The following CDH2 variants were observed in gnomAD, a reference collection of about 807,000 sequenced individuals.
CDH2 encodes the protein cadherin 2, also known as cadherin-2.
In CDH2, 17 loss-of-function variants were observed where a neutral mutation model predicts 92.0. The ratio of observed to expected loss-of-function variants is 0.18; its 90% CI spans 0.13 to 0.28. The LOEUF is 0.28. Ranked by LOEUF, CDH2 falls within the 10% of genes least tolerant of loss-of-function variation. The pLI, the probability that CDH2 is intolerant of heterozygous loss-of-function variation, is 1.00. For synonymous variants in CDH2, 419 were observed against 415.9 expected (o/e 1.01, Z -0.09); for missense variants, 862 against 1,133.1 (o/e 0.76, Z 3.44).
chr18:28,124,731 G>A (rs981604745), intron 2 of CDH2, among the ~76,000 whole-genome samples: 2 of 152,092 alleles, frequency 1.3e-5, no homozygotes, highest in African/African-American at 2.4e-5. Flanking sequence ...ATTGTTTCCA[G>A]TCAAGAGGGA....
chr18:27,963,386 G>A lies in CDH2; in HGVS notation c.2485C>T (p.Pro829Ser), dbSNP rs1294310150. ...TTAATGAAGTCCCCAATGTCTCCAG[G>A]GTGTGGGGCTGCAGATCGGACCGGA... ...QYPVRSAAPH[P>S]GDIGDFINEG... Residue 829 changes from proline (P) to serine (S), a missense_variant, in exon 15 of 16, where the codon CCT becomes TCT. By Grantham distance (74) the Pro-to-Ser change is moderately conservative. Transcript: ENST00000269141. The A allele has an allele frequency of 1.9e-6, 3 of 1,614,026 alleles. No homozygotes were observed. Among genetic ancestry groups the A allele is most frequent in the Middle Eastern group, 3.3e-4 (2 of 6,054 alleles).
intron 2 of CDH2, among the ~76,000 whole-genome samples, chr18:28,131,271 T>TA (rs943904851): frequency 1.5e-4 from 23 of 151,580 alleles, no homozygotes; most frequent in African/African-American, 5.6e-4. Flanking sequence ...TGCTAGGAAC[T>TA]AAAAAAAAAT....
chr18:28,037,353 T>C (rs972331084), intron 2 of CDH2, among the ~76,000 whole-genome samples: 27 of 152,180 alleles, frequency 1.8e-4, no homozygotes, highest in African/African-American at 6.5e-4. Flanking sequence ...TTCAGATAGG[T>C]TGCCAGCATG....
intron 1 of CDH2, among the ~76,000 whole-genome samples, chr18:28,148,780 C>T (rs1222338876): frequency 6.6e-6 from 1 of 152,144 alleles, no homozygotes; most frequent in Non-Finnish European, 1.5e-5. Context: ...GATCTCAGAA[C>T]AACTGTCTGG....
chr18:28,074,518 T>C (rs1230694326), intron 2 of CDH2, among the ~76,000 whole-genome samples: 1 of 152,118 alleles, frequency 6.6e-6, no homozygotes, highest in Non-Finnish European at 1.5e-5. Flanking sequence ...AGTGCTAGGA[T>C]TACAGGCATG....
chr18:27,980,374 C>T (rs796413139), intron 14 of CDH2, among the ~76,000 whole-genome samples: 3 of 151,940 alleles, frequency 2.0e-5, no homozygotes, highest in Admixed American at 6.6e-5. Flanking sequence ...GACAAGACAC[C>T]GTTTAGGAAT....
intron 2 of CDH2, among the ~76,000 whole-genome samples, chr18:28,020,730 T>C (rs926178023): frequency 6.6e-6 from 1 of 152,034 alleles, no homozygotes; most frequent in Non-Finnish European, 1.5e-5. Flanking sequence ...GCTATGATGG[T>C]AGATACATAA....
chr18:27,938,719 T>C (rs531496271), intron 6 of CDH2, among the ~76,000 whole-genome samples: 2 of 152,284 alleles, frequency 1.3e-5, no homozygotes, highest in South Asian at 4.1e-4. Context: ...TCTACATTTT[T>C]TTTAAATCAC....
At chr18:28,012,118 G>A in intron 3 of CDH2, 126 bp from the exon 4 acceptor site, 1 of 767,462 alleles carries the variant, frequency 1.3e-6, no homozygotes, top group Non-Finnish European at 2.0e-6. Context: ...TAAGTCTGGA[G>A]GCCCTTTTCC....
At chr18:28,034,434 T>A (rs886687083) in intron 2 of CDH2, among the ~76,000 whole-genome samples, 2 of 151,852 alleles carry the variant, frequency 1.3e-5, no homozygotes, top group East Asian at 1.9e-4. Context: ...TTAAATATAT[T>A]TTTTTTCTGG....
intron 2 of CDH2, among the ~76,000 whole-genome samples, chr18:28,048,600 A>G (rs967946689): frequency 2.0e-5 from 3 of 152,214 alleles, no homozygotes; most frequent in Non-Finnish European, 2.9e-5. Flanking sequence ...CGTCAGGACT[A>G]CAATGCTATT....
Position 28,011,977 on chromosome 18 carries a change from C to T in CDH2, c.415G>A (p.Glu139Lys), listed in dbSNP as rs1393676210. Residue 139 changes from glutamate to lysine, a missense_variant, in exon 4 of 16, where the codon GAA becomes AAA. By Grantham distance (56) the Glu-to-Lys change is moderately conservative. Around this residue, in one of 5 missense-constraint regions of CDH2, gnomAD observed 159 missense variants for 177.2 expected, o/e 0.90. Transcript: ENST00000269141. ...AATTGTCTTGGGAACACTATTTCTT[C>T]AACTTCTGCTGACTCCTTTACATTA... is the stretch of plus-strand genomic sequence containing the variant. ...EESVKESAEV[E>K]EIVFPRQFSK... The T allele has an allele frequency of 1.9e-6, 3 of 1,613,624 alleles. No individual in the cohort carries two copies. The African/African-American group carries it at 4.0e-5, about 22-fold the overall frequency.
At chr18:28,138,674 G>T (rs1236278665) in intron 2 of CDH2, among the ~76,000 whole-genome samples, 1 of 152,048 alleles carries the variant, frequency 6.6e-6, no homozygotes, top group Non-Finnish European at 1.5e-5. Flanking sequence ...CTTGTCTGTT[G>T]ACCACTATTG....
chr18:28,005,459 T>G (rs1264303941), intron 6 of CDH2, among the ~76,000 whole-genome samples: 1 of 152,190 alleles, frequency 6.6e-6, no homozygotes, highest in East Asian at 1.9e-4. Flanking sequence ...CTGTGTTAAA[T>G]TGCTGCTACG....
chr18:28,157,676 A>T (rs1375052589), intron 1 of CDH2, among the ~76,000 whole-genome samples: 7 of 152,210 alleles, frequency 4.6e-5, no homozygotes, highest in Non-Finnish European at 1.0e-4. Flanking sequence ...GACTAAGTGA[A>T]AAATCTGCCT....
At chr18:28,082,799 G>A (rs1314572058) in intron 2 of CDH2, among the ~76,000 whole-genome samples, 1 of 152,052 alleles carries the variant, frequency 6.6e-6, no homozygotes, top group African/African-American at 2.4e-5. Context: ...AAAAAGAAAA[G>A]GAAAATGCTG....
intron 1 of CDH2, among the ~76,000 whole-genome samples, chr18:28,173,817 T>A (rs1176240029): frequency 1.3e-5 from 2 of 152,160 alleles, no homozygotes. Flanking sequence ...CAACATTGAT[T>A]TTTTTTCTTA....
chr18:28,036,878 T>C (rs1202639392), intron 2 of CDH2, among the ~76,000 whole-genome samples: 1 of 152,162 alleles, frequency 6.6e-6, no homozygotes, highest in South Asian at 2.1e-4. Context: ...ACAGCACTTC[T>C]GTTTGGAAAA....
intron 2 of CDH2, among the ~76,000 whole-genome samples, chr18:28,087,935 C>A (rs2014965795): frequency 6.6e-6 from 1 of 152,132 alleles, no homozygotes; most frequent in Non-Finnish European, 1.5e-5. Context: ...TTTTTACTCT[C>A]TCCCGCCTCA....
Sources: gnomAD v4.1 joint callset for allele counts (sites outside exome capture counted in the v4.1 genomes callset) on GRCh38, gnomAD v4.1.1 for gene constraint, gnomAD v4.1.1 regional missense constraint, MANE v1.5 for transcripts, NCBI Gene and HGNC (gene_info 2026-07-23, HGNC 2026-07-21) for gene names.